Variants in ARHGEF11 observed in about 807,000 individuals in gnomAD.
The protein encoded by ARHGEF11 is Rho guanine nucleotide exchange factor 11.
In ARHGEF11, 55 loss-of-function variants were observed where a neutral mutation model predicts 193.7. The observed-to-expected ratio is 0.28, with a 90% confidence interval of 0.23 to 0.36. ARHGEF11 has a LOEUF of 0.36. Among genes scored for constraint, ARHGEF11 ranks in the 10% least tolerant of loss-of-function variants. ARHGEF11 has a pLI of 1.00. For synonymous variants in ARHGEF11, 693 were observed against 768.0 expected (o/e 0.90, Z 1.62); for missense variants, 1,723 against 2,005.6 (o/e 0.86, Z 2.69).
intron 1 of ARHGEF11, among the ~76,000 whole-genome samples, chr1:156,987,360 AC>A (rs1207594961): frequency 1.3e-5 from 2 of 152,236 alleles, no homozygotes; most frequent in Non-Finnish European, 2.9e-5. Context: ...TATACATGAT[AC>A]AGAATATCTC....
chr1:156,990,228 G>T (rs1239299982), intron 1 of ARHGEF11, among the ~76,000 whole-genome samples: 1 of 152,168 alleles, frequency 6.6e-6, no homozygotes, highest in Non-Finnish European at 1.5e-5. Context: ...CTTGTTGAAT[G>T]TCCTACAATC....
At chr1:156,941,547 G>T in intron 34 of ARHGEF11, 114 bp from the exon 35 acceptor site, 1 of 1,232,450 alleles carries the variant, frequency 8.1e-7, no homozygotes, top group Non-Finnish European at 1.2e-6. Context: ...CTCTTCACCT[G>T]GCTGGTCTGC....
chr1:156,969,146 T>G (rs1662156631), intron 10 of ARHGEF11, 136 bp downstream of exon 10: 1 of 682,062 alleles, frequency 1.5e-6, no homozygotes, highest in Non-Finnish European at 2.5e-6. Context: ...CAGAGCACAG[T>G]GATTATATCC....
intron 40 of ARHGEF11, 105 bp from the exon 41 acceptor site, chr1:156,936,163 T>C (rs1404234192): frequency 8.5e-7 from 1 of 1,170,944 alleles, no homozygotes; most frequent in South Asian, 1.2e-5. Flanking sequence ...CTTCATCACC[T>C]TCCTTCTCCT....
intron 1 of ARHGEF11, among the ~76,000 whole-genome samples, chr1:157,003,978 G>A (rs1305539169): frequency 1.3e-5 from 2 of 152,160 alleles, no homozygotes; most frequent in Admixed American, 6.5e-5. Flanking sequence ...GAAAAGGGGG[G>A]CTTAAGTTGC....
rs750242942 is a variant in ARHGEF11 at position 156,939,713 on chromosome 1, C to G, written c.3931G>C (p.Glu1311Gln). The change falls in exon 37 of 41, where the codon GAG (glutamate) becomes CAG (glutamine). Residue 1311 changes from glutamate (E) to glutamine (Q), a missense_variant. Around this residue, in one of 5 missense-constraint regions of ARHGEF11, gnomAD observed 360 missense variants for 344.4 expected, o/e 1.05. Coordinates refer to ENST00000368194, the MANE Select transcript of ARHGEF11 (RefSeq NM_198236.3). The stretch of plus-strand genomic sequence containing the variant: ...TCTTCCTGCTCTGGCCGTTCCCCCT[C>G]CAGCCCTGCAAGCTGGGTGTTGTCC... ...EGDNTQLAGL[E>Q]GERPEQEDMG... The G allele has an allele frequency of 3.1e-6, 5 of 1,614,142 alleles. No individual in the cohort carries two copies. In the Admixed American group the frequency reaches 8.3e-5, roughly 27 times the overall value.
intron 1 of ARHGEF11, among the ~76,000 whole-genome samples, chr1:156,993,771 A>T (rs1387230053): frequency 6.6e-6 from 1 of 152,202 alleles, no homozygotes. Context: ...CTAGACCTGC[A>T]CATCCCTACA....
intron 7 of ARHGEF11, among the ~76,000 whole-genome samples, chr1:156,976,327 TATTA>T (rs1663252883): frequency 3.9e-5 from 6 of 152,132 alleles, no homozygotes; most frequent in Non-Finnish European, 5.9e-5. Context: ...TATTTCCCAT[TATTA>T]ATTAATTTTT....
rs1658786711 is a variant in ARHGEF11 at position 156,949,698 on chromosome 1, TACC to T, written c.1926-1203_1926-1201del. On this transcript the variant is annotated intron_variant, in intron 22 of 40. Transcript: ENST00000368194. Reference sequence around the variant, plus strand: ...TTTTCAGTGTCCTAATGGGTCACTGTACCACCACAACAAACACCCAGTGGAGTT... The same window carrying T: ...TTTTCAGTGTCCTAATGGGTCACTGTACCACAACAAACACCCAGTGGAGTT... Among the ~76,000 whole-genome samples, 5 of 152,272 alleles carry T rather than the reference TACC, an allele frequency of 3.3e-5. No individual in the cohort carries two copies. The South Asian group carries it at 1.0e-3, about 32-fold the overall frequency.
chr1:156,942,938 C>T (rs765994867), intron 32 of ARHGEF11, among the ~76,000 whole-genome samples, 158 bp from the exon 33 acceptor site: 1 of 152,142 alleles, frequency 6.6e-6, no homozygotes, highest in African/African-American at 2.4e-5. Flanking sequence ...CCACTTGGAA[C>T]CCACTTACAT....
At chr1:157,004,436 C>T (rs1334466579) in intron 1 of ARHGEF11, among the ~76,000 whole-genome samples, 2 of 152,206 alleles carry the variant, frequency 1.3e-5, no homozygotes, top group African/African-American at 4.8e-5. Flanking sequence ...TCAGAAACCA[C>T]AATTACAGGC....
Position 157,044,383 on chromosome 1 carries a change from C to T in ARHGEF11, c.-53G>A, listed in dbSNP as rs374577977. 76 of 1,597,034 alleles carry T rather than the reference C, an allele frequency of 4.8e-5. No homozygotes were observed. The African/African-American group carries it at 9.0e-4, about 19-fold the overall frequency. Reference sequence around the variant, plus strand: ...AATCCTGTAGCTTTGGTGTCTTGATCAGGATTGAATCGCTTGCAATTTTTG... The same window carrying T: ...AATCCTGTAGCTTTGGTGTCTTGATTAGGATTGAATCGCTTGCAATTTTTG... On this transcript the variant is annotated 5_prime_UTR_variant, in exon 1 of 41. Transcript: ENST00000368194.
chr1:156,991,710 A>ATTTTTTTTTTTTTTTT (rs57140356), intron 1 of ARHGEF11, among the ~76,000 whole-genome samples: 7 of 83,952 alleles, frequency 8.3e-5, no homozygotes, highest in African/African-American at 3.1e-4. Context: ...TTTCAAGCTT[A>ATTTTTTTTTTTTTTTT]TTTTTTTTTT....
At position 157,026,452 on chromosome 1, in the gene ARHGEF11, T is replaced by C. The variant is rs9633337; in HGVS notation, c.32+17847A>G. ...AATCAAAGAAGCAGAGGCAAGACCA[T>C]GTGAGGAAAACAAAGCTCTGAGTCC... is the stretch of plus-strand genomic sequence containing the variant. On this transcript the variant is annotated intron_variant, in intron 1 of 40. Transcript: ENST00000368194. 1.1e-3 allele frequency among the ~76,000 whole-genome samples: 174 copies of C among 152,214 alleles called. 3 individuals carry two copies. The East Asian group carries it at 0.029, about 26-fold the overall frequency.
chr1:156,992,322 C>T (rs141259611), intron 1 of ARHGEF11, among the ~76,000 whole-genome samples: 91 of 152,300 alleles, frequency 6.0e-4, no homozygotes, highest in African/African-American at 1.8e-3. Flanking sequence ...CAATGCAGCC[C>T]GCATTGGCGC....
chr1:157,023,896 A>C (rs1670309104), intron 1 of ARHGEF11, among the ~76,000 whole-genome samples: 1 of 152,228 alleles, frequency 6.6e-6, no homozygotes, highest in Non-Finnish European at 1.5e-5. Context: ...TTAACATGCT[A>C]AACACAGAGC....
intron 7 of ARHGEF11, 124 bp downstream of exon 7, chr1:156,976,859 T>C (rs1340903369): frequency 5.8e-6 from 5 of 863,598 alleles, no homozygotes; most frequent in Non-Finnish European, 9.2e-6. Flanking sequence ...GGAAGTTTTA[T>C]TTTTTGAGGT....
rs753395645 is a variant in ARHGEF11 at position 156,963,598 on chromosome 1, G to A, written c.964-4C>T. On this transcript the variant is annotated splice_region_variant and splice_polypyrimidine_tract_variant and intron_variant, in intron 11 of 40. Coordinates refer to ENST00000368194, the MANE Select transcript of ARHGEF11 (RefSeq NM_198236.3). Reference sequence around the variant, plus strand: ...GCTTTGGGCTTTGATCTACACCCTGGGGGAGAGAGTCAAATTGCAGAGATG... The same window carrying A: ...GCTTTGGGCTTTGATCTACACCCTGAGGGAGAGAGTCAAATTGCAGAGATG... 11 of 1,613,346 alleles carry A rather than the reference G, an allele frequency of 6.8e-6. No homozygotes were observed. Among genetic ancestry groups the A allele is most frequent in the African/African-American group, 2.7e-5 (2 of 74,840 alleles).
chr1:156,975,105 C>T (rs145031604), intron 7 of ARHGEF11, among the ~76,000 whole-genome samples: 41 of 152,320 alleles, frequency 2.7e-4, no homozygotes, highest in Non-Finnish European at 5.4e-4. Context: ...TTCCAGAGTG[C>T]TTGCACTATT....
Sources: gnomAD v4.1 joint callset for allele counts (sites outside exome capture counted in the v4.1 genomes callset) on GRCh38, gnomAD v4.1.1 for gene constraint, gnomAD v4.1.1 regional missense constraint, MANE v1.5 for transcripts, NCBI Gene and HGNC (gene_info 2026-07-23, HGNC 2026-07-21) for gene names.